Variants in LRRC4C observed in about 807,000 individuals in gnomAD.
LRRC4C encodes the protein leucine-rich repeat-containing protein 4C.
A neutral mutation model predicts 33.6 loss-of-function variants in LRRC4C; 5 were observed. The observed-to-expected ratio is 0.15, with a 90% CI of 0.08 to 0.31. The LOEUF (loss-of-function observed/expected upper bound fraction) is 0.31. Ranked by LOEUF, LRRC4C falls within the 10% of genes least tolerant of loss-of-function variation. The pLI is 1.00. For missense variants in LRRC4C, 560 were observed against 796.7 expected, an observed-to-expected ratio of 0.70 and a Z score of 3.58; for synonymous variants, 329 against 302.0, an observed-to-expected ratio of 1.09 and a Z score of -0.93.
chr11:41,208,121 C>T (rs1272340454), intron 1 of LRRC4C, among the ~76,000 whole-genome samples: 1 of 152,090 alleles, frequency 6.6e-6, no homozygotes, highest in African/African-American at 2.4e-5. Flanking sequence ...ATTAAAGGTG[C>T]TTCTGGGAGG....
intron 6 of LRRC4C, among the ~76,000 whole-genome samples, chr11:40,121,467 C>T (rs1293952710): frequency 6.6e-6 from 1 of 152,184 alleles, no homozygotes; most frequent in East Asian, 1.9e-4. Context: ...ATATCAAAAG[C>T]CAGTCTTCAA....
intron 1 of LRRC4C, among the ~76,000 whole-genome samples, chr11:41,258,306 C>G (rs527350131): frequency 6.6e-6 from 1 of 152,058 alleles, no homozygotes; most frequent in East Asian, 1.9e-4. Flanking sequence ...CTTGATATAT[C>G]TTCAAGGGAA....
At chr11:41,403,403 G>A (rs1351046558) in intron 1 of LRRC4C, among the ~76,000 whole-genome samples, 6 of 151,958 alleles carry the variant, frequency 3.9e-5, no homozygotes, top group Non-Finnish European at 1.5e-5. Flanking sequence ...TGTATATATA[G>A]ACATATATGT....
intron 1 of LRRC4C, among the ~76,000 whole-genome samples, chr11:41,108,277 G>A (rs1941630614): frequency 6.6e-6 from 1 of 151,954 alleles, no homozygotes; most frequent in East Asian, 1.9e-4. Context: ...ATTTTCACTT[G>A]TCATGTAGTA....
chr11:41,345,519 A>T (rs2137515748), intron 1 of LRRC4C, among the ~76,000 whole-genome samples: 1 of 152,292 alleles, frequency 6.6e-6, no homozygotes, highest in African/African-American at 2.4e-5. Context: ...CTGGGCTACA[A>T]CAACTGCCTC....
intron 1 of LRRC4C, among the ~76,000 whole-genome samples, chr11:41,174,835 C>A (rs533043325): frequency 3.9e-5 from 6 of 152,036 alleles, no homozygotes; most frequent in African/African-American, 1.4e-4. Flanking sequence ...CTTAGAAAAG[C>A]ACCTCAAATC....
chr11:40,809,320 C>T (rs936913227), intron 2 of LRRC4C, among the ~76,000 whole-genome samples: 1 of 152,158 alleles, frequency 6.6e-6, no homozygotes, highest in Non-Finnish European at 1.5e-5. Flanking sequence ...ACTTTTTATA[C>T]TTGACCTGGG....
intron 1 of LRRC4C, among the ~76,000 whole-genome samples, chr11:41,065,601 C>T (rs1187658180): frequency 6.6e-6 from 1 of 152,168 alleles, no homozygotes; most frequent in Non-Finnish European, 1.5e-5. Context: ...GGTCCCTGAC[C>T]CCATGCCTCC....
intron 2 of LRRC4C, among the ~76,000 whole-genome samples, chr11:40,689,715 A>T (rs1945136362): frequency 6.6e-6 from 1 of 152,140 alleles, no homozygotes. Flanking sequence ...GCTGCTAGTT[A>T]GATATGACTG....
At chr11:40,339,730 G>T in intron 3 of LRRC4C, among the ~76,000 whole-genome samples, 1 of 152,104 alleles carries the variant, frequency 6.6e-6, no homozygotes, top group Non-Finnish European at 1.5e-5. Context: ...ACCGTAAAAA[G>T]GTTTAGTATT....
rs1396310541 is a variant in LRRC4C at position 40,619,422 on chromosome 11, C to T, written c.-270+28720G>A. On this transcript the variant is annotated intron_variant, in intron 3 of 6. Coordinates refer to ENST00000528697, the MANE Select transcript of LRRC4C (RefSeq NM_001258419.2). ...CATTCATGTACCCCATAAATATATA[C>T]ACCTACTATGTATCCACAAAAACTA... Among the ~76,000 whole-genome samples, 6 of 151,556 alleles carry T rather than the reference C, an allele frequency of 4.0e-5. No individual in the cohort carries two copies. The East Asian group carries it at 1.2e-3, about 29-fold the overall frequency.
intron 3 of LRRC4C, among the ~76,000 whole-genome samples, chr11:40,565,331 G>A (rs1303204890): frequency 6.6e-6 from 1 of 152,038 alleles, no homozygotes; most frequent in African/African-American, 2.4e-5. Context: ...TAAAAAAGCT[G>A]GTATAAGTAA....
intron 3 of LRRC4C, among the ~76,000 whole-genome samples, chr11:40,475,470 G>A (rs1390502622): frequency 1.3e-5 from 2 of 152,070 alleles, no homozygotes; most frequent in African/African-American, 4.8e-5. Flanking sequence ...GGCTAGGGGA[G>A]GGATAGCATT....
intron 1 of LRRC4C, among the ~76,000 whole-genome samples, chr11:41,352,209 ATTC>A (rs1952007494): frequency 6.6e-6 from 1 of 152,234 alleles, no homozygotes. Flanking sequence ...AGGCATTGCT[ATTC>A]TTATTTTAGA....
At chr11:40,639,653 T>C (rs1431107767) in intron 3 of LRRC4C, among the ~76,000 whole-genome samples, 2 of 152,364 alleles carry the variant, frequency 1.3e-5, no homozygotes. Flanking sequence ...CAAATTGTTT[T>C]ACTGCCTTAA....
chr11:40,403,943 C>T (rs1009062951), intron 3 of LRRC4C, among the ~76,000 whole-genome samples: 1 of 152,156 alleles, frequency 6.6e-6, no homozygotes, highest in African/African-American at 2.4e-5. Context: ...CAGTTTCCTA[C>T]ATCAAGATAA....
chr11:40,398,663 C>G (rs1339168054), intron 3 of LRRC4C, among the ~76,000 whole-genome samples: 1 of 151,988 alleles, frequency 6.6e-6, no homozygotes, highest in African/African-American at 2.4e-5. Context: ...AACCAAAAAA[C>G]AGCTACAGGT....
chr11:40,425,538 T>C (rs956668914), intron 3 of LRRC4C, among the ~76,000 whole-genome samples: 8 of 152,222 alleles, frequency 5.3e-5, no homozygotes, highest in African/African-American at 1.4e-4. Flanking sequence ...TCCAGGACTT[T>C]GTAGACTTGC....
At chr11:40,122,914 A>G (rs1253299488) in intron 6 of LRRC4C, among the ~76,000 whole-genome samples, 1 of 150,342 alleles carries the variant, frequency 6.7e-6, no homozygotes, top group Non-Finnish European at 1.5e-5. Context: ...ATACTTTTTT[A>G]TATCTATATA....
Sources: gnomAD v4.1 joint callset for allele counts (sites outside exome capture counted in the v4.1 genomes callset) on GRCh38, gnomAD v4.1.1 for gene constraint, MANE v1.5 for transcripts, NCBI Gene and HGNC (gene_info 2026-07-23, HGNC 2026-07-21) for gene names.